Variants in RP1 observed in about 807,000 individuals in gnomAD.
RP1 encodes oxygen-regulated protein 1.
In RP1, 16 loss-of-function variants were observed where a neutral mutation model predicts 14.8. The observed-to-expected ratio is 1.08, with a 90% CI of 0.73 to 1.65. The LOEUF (loss-of-function observed/expected upper bound fraction) is 1.65, where lower values mean the gene tolerates loss of function less well. Ranked by LOEUF, RP1 falls within the 40% of genes most tolerant of loss-of-function variation. RP1 has a pLI of 0.00. For synonymous variants in RP1, 876 were observed against 883.6 expected (o/e 0.99, Z 0.15); for missense variants, 2,631 against 2,535.0 (o/e 1.04, Z -0.81).
chr8:54,644,020 A>G (rs1461017942), intron 3 of RP1, among the ~76,000 whole-genome samples: 1 of 152,220 alleles, frequency 6.6e-6, no homozygotes, highest in Admixed American at 6.5e-5. Flanking sequence ...ACAAAGTCCC[A>G]AATCTCATTT....
chr8:54,858,875 C>T (rs1021731697), intron 27 of RP1, among the ~76,000 whole-genome samples: 3 of 151,644 alleles, frequency 2.0e-5, no homozygotes, highest in African/African-American at 4.9e-5. Flanking sequence ...GATGTCACTG[C>T]AGAGTGATGT....
At chr8:54,696,724 A>G (rs2129341725) in intron 12 of RP1, 1 of 723,928 alleles carries the variant, frequency 1.4e-6, no homozygotes, top group Non-Finnish European at 2.5e-6. Flanking sequence ...CCACTTCAAG[A>G]CTTCGCCTAA....
chr8:54,731,137 A>G (rs1808785075), intron 17 of RP1, among the ~76,000 whole-genome samples: 1 of 152,188 alleles, frequency 6.6e-6, no homozygotes, highest in Non-Finnish European at 1.5e-5. Context: ...CCCATGAACT[A>G]TTAGAATCAG....
At chr8:54,734,778 A>G (rs1034713752) in intron 18 of RP1, 5 of 1,490,818 alleles carry the variant, frequency 3.4e-6, no homozygotes, top group Admixed American at 4.2e-5. Flanking sequence ...TTTCCTGTGA[A>G]CATTTCAAAG....
chr8:54,853,877 GAAAGAAAA>G (rs200186371), intron 26 of RP1, among the ~76,000 whole-genome samples: 1,715 of 74,704 alleles, frequency 0.023, 46 homozygotes, highest in African/African-American at 0.079. Context: ...AAAAGAAAAA[GAAAGAAAA>G]AAAGAAAAAA....
downstream of RP1, among the ~76,000 whole-genome samples, chr8:54,772,489 G>A (rs752967854): frequency 6.6e-5 from 10 of 152,092 alleles, no homozygotes; most frequent in Non-Finnish European, 1.5e-5. Flanking sequence ...CTAGGTCCCT[G>A]GTACAATGTG....
intron 24 of RP1, among the ~76,000 whole-genome samples, chr8:54,798,939 A>G (rs1335714003): frequency 2.0e-5 from 3 of 151,972 alleles, no homozygotes; most frequent in African/African-American, 4.8e-5. Context: ...TTCTTTTTCT[A>G]TAGAACTATG....
At chr8:54,804,806 A>G (rs1419719020) in intron 24 of RP1, among the ~76,000 whole-genome samples, 3 of 152,226 alleles carry the variant, frequency 2.0e-5, no homozygotes, top group Non-Finnish European at 4.4e-5. Context: ...TATGACTCTT[A>G]ATTCAGGACA....
rs1805090455 is a variant in RP1 at position 54,593,970 on chromosome 8, CT to C, written c.-12-26983del. On this transcript the variant is annotated intron_variant, in intron 1 of 22. Coordinates refer to the RP1 transcript ENST00000636932. ...TCAGTGGCATGTAGGTGTCCAAGGG[CT>C]TGCTGTCCAGCCCAGCAGGAAACAC... 9.9e-5 allele frequency among the ~76,000 whole-genome samples: 15 copies of C among 152,248 alleles called. 2 individuals are homozygous for C. Among genetic ancestry groups the C allele is most frequent in the Admixed American group, 9.2e-4 (14 of 15,282 alleles).
chr8:54,728,647 A>G (rs950221272), intron 17 of RP1, among the ~76,000 whole-genome samples: 1 of 152,200 alleles, frequency 6.6e-6, no homozygotes, highest in African/African-American at 2.4e-5. Context: ...AGAACTTAAA[A>G]TAGCACATAT....
intron 26 of RP1, among the ~76,000 whole-genome samples, chr8:54,854,456 A>G (rs995586068): frequency 6.6e-6 from 1 of 152,260 alleles, no homozygotes; most frequent in African/African-American, 2.4e-5. Flanking sequence ...CAAATCCCCA[A>G]ATCAGTTTTA....
chr8:54,761,912 G>GTAAA (rs1278986868), intron 22 of RP1, among the ~76,000 whole-genome samples: 1 of 152,154 alleles, frequency 6.6e-6, no homozygotes, highest in Admixed American at 6.5e-5. Context: ...GGGCACAGCA[G>GTAAA]GTTCCTTTCT....
chr8:54,827,600 G>GA (rs1213168970), intron 24 of RP1, among the ~76,000 whole-genome samples: 3 of 152,146 alleles, frequency 2.0e-5, no homozygotes, highest in Non-Finnish European at 4.4e-5. Context: ...AAAGTGCTGG[G>GA]ATTACAGGCG....
At chr8:54,804,149 G>A (rs1250092818) in intron 24 of RP1, among the ~76,000 whole-genome samples, 1 of 151,554 alleles carries the variant, frequency 6.6e-6, no homozygotes, top group Non-Finnish European at 1.5e-5. Flanking sequence ...TATGTGGGGG[G>A]GGGCTAGGTT....
chr8:54,580,874 C>T (rs1033350033), intron 1 of RP1, among the ~76,000 whole-genome samples: 8 of 152,200 alleles, frequency 5.3e-5, no homozygotes, highest in Non-Finnish European at 5.9e-5. Context: ...ACCTCGGCCT[C>T]CCAAAGTGCT....
chr8:54,652,053 G>T (rs979991929), intron 4 of RP1, among the ~76,000 whole-genome samples: 12 of 151,528 alleles, frequency 7.9e-5, no homozygotes, highest in Non-Finnish European at 1.6e-4. Flanking sequence ...TCTCGCACAG[G>T]CTGGAGTGCA....
intron 1 of RP1, among the ~76,000 whole-genome samples, chr8:54,587,843 T>C (rs1032016945): frequency 1.2e-4 from 18 of 152,360 alleles, no homozygotes; most frequent in African/African-American, 4.3e-4. Flanking sequence ...TTATAATGCA[T>C]GTTTCTCCTT....
At chr8:54,713,180 C>T (rs559647983) in intron 15 of RP1, among the ~76,000 whole-genome samples, 1 of 152,026 alleles carries the variant, frequency 6.6e-6, no homozygotes, top group East Asian at 1.9e-4. Flanking sequence ...AATACACTTA[C>T]ATTTAAATAA....
At chr8:54,867,539 C>T (rs1177876615) in intron 28 of RP1, among the ~76,000 whole-genome samples, 1 of 152,142 alleles carries the variant, frequency 6.6e-6, no homozygotes, top group Non-Finnish European at 1.5e-5. Context: ...GCAGTAATGA[C>T]ACCTATTTTG....
Sources: gnomAD v4.1 joint callset for allele counts (sites outside exome capture counted in the v4.1 genomes callset) on GRCh38, gnomAD v4.1.1 for gene constraint, MANE v1.5 for transcripts, NCBI Gene and HGNC (gene_info 2026-07-23, HGNC 2026-07-21) for gene names.